Variants in BTC observed in about 807,000 individuals in gnomAD.
The protein encoded by BTC is betacellulin.
Under a neutral mutation model 18.1 loss-of-function variants are expected in BTC, and 13 were observed. That is an observed-to-expected ratio of 0.72 (90% CI 0.47 to 1.14). The LOEUF is 1.14. Among genes scored for constraint, BTC ranks in the 50% most tolerant of loss-of-function variants. BTC has a pLI of 0.00. For missense variants in BTC, 247 were observed against 224.2 expected, an observed-to-expected ratio of 1.10 and a Z score of -0.65; for synonymous variants, 83 against 79.4, an observed-to-expected ratio of 1.05 and a Z score of -0.24.
intron 1 of BTC, among the ~76,000 whole-genome samples, chr4:74,788,475 C>T (rs1042767682): frequency 1.3e-5 from 2 of 152,280 alleles, no homozygotes; most frequent in African/African-American, 2.4e-5. Context: ...AACTATTATA[C>T]AATGTTTCAT....
intron 1 of BTC, among the ~76,000 whole-genome samples, chr4:74,787,352 G>T (rs1200978466): frequency 2.0e-5 from 3 of 152,078 alleles, no homozygotes; most frequent in Non-Finnish European, 4.4e-5. Flanking sequence ...GCATTTCATG[G>T]TTATTTGACC....
At chr4:74,782,436 TC>T (rs2109914421) in intron 1 of BTC, among the ~76,000 whole-genome samples, 1 of 152,304 alleles carries the variant, frequency 6.6e-6, no homozygotes, top group Admixed American at 6.5e-5. Context: ...ATGATCTCAT[TC>T]CTTTTTATGG....
intron 1 of BTC, 97 bp downstream of exon 1, chr4:74,794,165 T>A: frequency 1.3e-6 from 2 of 1,483,298 alleles, no homozygotes; most frequent in Non-Finnish European, 1.8e-6. Flanking sequence ...CAGCGCGCCC[T>A]CTTGTCCAGA....
At chr4:74,776,089 T>C (rs1011372902) in intron 1 of BTC, among the ~76,000 whole-genome samples, 6 of 152,200 alleles carry the variant, frequency 3.9e-5, no homozygotes, top group African/African-American at 1.4e-4. Context: ...TACCATAAAA[T>C]GAAGCTCCTC....
rs967351705 is a variant in BTC at position 74,773,163 on chromosome 4, C to A, written c.65-3007G>T. On this transcript the variant is annotated intron_variant, in intron 1 of 5. Transcript: ENST00000395743. ...CCTGAAGAAGCATTTGCCTGGCCTGCACAGTTTTTAATAATTGAATCAAAG... is the reference window on the plus strand; with the variant it reads ...CCTGAAGAAGCATTTGCCTGGCCTGAACAGTTTTTAATAATTGAATCAAAG... Among the ~76,000 whole-genome samples the A allele has an allele frequency of 2.6e-5, 4 of 152,320 alleles. No homozygotes were observed. The East Asian group carries it at 7.7e-4, about 29-fold the overall frequency.
chr4:74,794,298 C>A lies in BTC; in HGVS notation c.28G>T (p.Ala10Ser), dbSNP rs767658564. ...GCCAGGAGCAGTGGCAGGGAGCTGG[C>A]GCCGCTGCACCGGGCGGCCCGGTCC... MDRAARCSG[A>S]SSLPLLLALA... Residue 10 changes from alanine (A) to serine (S), a missense_variant, in exon 1 of 6, where the codon GCC becomes TCC. By Grantham distance (99) the Ala-to-Ser change is moderately conservative (BLOSUM62 1). Coordinates refer to ENST00000395743, the MANE Select transcript of BTC (RefSeq NM_001729.4). 1.9e-6 allele frequency: 3 copies of A among 1,548,840 alleles called. No homozygotes were observed. The highest frequency in any genetic ancestry group is 1.2e-5 in the South Asian group (1 of 83,940).
chr4:74,756,548 G>GA (rs1345822976), intron 2 of BTC, among the ~76,000 whole-genome samples: 1 of 152,170 alleles, frequency 6.6e-6, no homozygotes, highest in Non-Finnish European at 1.5e-5. Context: ...ATAGAAAGTG[G>GA]AAAAACTGGG....
Position 74,750,613 on chromosome 4 carries a change from C to T in BTC, c.388G>A (p.Val130Ile), listed in dbSNP as rs781884346. The T allele has an allele frequency of 3.1e-6, 5 of 1,613,738 alleles. No individual in the cohort carries two copies. In the Admixed American group the frequency reaches 8.3e-5, roughly 27 times the overall value. ...ACACCGATGACCAAAATAATAAAAA[C>T]TACCATAACTGCTATCAAACAAATC... is the stretch of plus-strand genomic sequence containing the variant. ...LVICLIAVMV[V>I]FIILVIGVCT... is the part of the protein sequence containing the mutation. The change falls in exon 4 of 6, where the codon GTT (valine) becomes ATT (isoleucine). Residue 130 changes from valine (V) to isoleucine (I), a missense_variant. Coordinates refer to ENST00000395743, the MANE Select transcript of BTC (RefSeq NM_001729.4).
chr4:74,777,745 A>G (rs1315995680), intron 1 of BTC, among the ~76,000 whole-genome samples: 1 of 152,152 alleles, frequency 6.6e-6, no homozygotes, highest in East Asian at 1.9e-4. Context: ...GTCAGTTGGG[A>G]TTACTGATTC....
intron 4 of BTC, among the ~76,000 whole-genome samples, chr4:74,749,085 A>T (rs1724375905): frequency 6.6e-6 from 1 of 152,204 alleles, no homozygotes; most frequent in African/African-American, 2.4e-5. Flanking sequence ...ATAGTTGTTA[A>T]GAAATTTACC....
Position 74,758,652 on chromosome 4 carries a change from A to G in BTC, c.164-2676T>C, listed in dbSNP as rs574454796. 3.9e-5 allele frequency among the ~76,000 whole-genome samples: 6 copies of G among 152,304 alleles called. No individual in the cohort carries two copies. In the South Asian group the frequency reaches 1.2e-3, roughly 32 times the overall value. ...CCCAGACTTTTGATAAACACCATGC[A>G]GAGTGTGATACCAAAAAGCAAATTA... On this transcript the variant is annotated intron_variant, in intron 2 of 5. Transcript: ENST00000395743.
chr4:74,748,141 C>T lies in BTC; in HGVS notation c.437G>A (p.Arg146Gln), dbSNP rs144483811. 367 of 1,604,506 alleles carry T rather than the reference C, an allele frequency of 2.3e-4. No individual in the cohort carries two copies. Among genetic ancestry groups the T allele is most frequent in the Non-Finnish European group, 2.9e-4 (343 of 1,176,748 alleles). Residue 146 changes from arginine (R) to glutamine (Q), a missense_variant, in exon 5 of 6, where the codon CGG becomes CAG. Physicochemically the swap from Arg to Gln is conservative, Grantham distance 43. Transcript: ENST00000395743. ...TTTCTTCTTTCTTTTACGACGTTTC[C>T]GAAGAGGGCTTGGAAAATACGTGTT... ...IGVCTCCHPL[R>Q]KRRKRKKKEE...
At chr4:74,774,740 G>C (rs1276046811) in intron 1 of BTC, among the ~76,000 whole-genome samples, 2 of 152,282 alleles carry the variant, frequency 1.3e-5, no homozygotes, top group Non-Finnish European at 2.9e-5. Context: ...GGCAACCAAA[G>C]GTCTCAATGC....
chr4:74,769,915 T>C lies in BTC; in HGVS notation c.163+143A>G, dbSNP rs10012877. On this transcript the variant is annotated intron_variant, in intron 2 of 5. Coordinates refer to ENST00000395743, the MANE Select transcript of BTC (RefSeq NM_001729.4). ...ATCTAGCTCAGGGGGCTCTTGTGAG[T>C]AGTGATTAATTACTGTATATAAAGC... 5.7e-4 allele frequency: 337 copies of C among 587,036 alleles called. 3 individuals are homozygous for C. The highest frequency in any genetic ancestry group is 5.3e-3 in the African/African-American group (267 of 50,398). 36.4% of individuals were successfully genotyped at this position (587,036 alleles called of 1,614,324 possible). A position where few individuals can be genotyped will look rare whatever the true frequency, so the allele number is the denominator to read the frequency against.
At position 74,755,725 on chromosome 4, in the gene BTC, T is replaced by C. The variant is rs967347276; in HGVS notation, c.281+134A>G. ...GTTGCTGAGTGGGCCCCTAAACAAG[T>C]GGCTGGGGGCAGGACCAGGCAGAAC... On this transcript the variant is annotated intron_variant, in intron 3 of 5. Coordinates refer to ENST00000395743, the MANE Select transcript of BTC (RefSeq NM_001729.4). The C allele has an allele frequency of 2.8e-5, 22 of 784,020 alleles. No homozygotes were observed. The African/African-American group carries it at 3.5e-4, about 12-fold the overall frequency. 48.6% of individuals were successfully genotyped at this position (784,020 alleles called of 1,614,324 possible).
intron 2 of BTC, among the ~76,000 whole-genome samples, chr4:74,760,936 G>A (rs1016851917): frequency 6.6e-6 from 1 of 151,856 alleles, no homozygotes; most frequent in South Asian, 2.1e-4. Context: ...GGGTTTCACC[G>A]TTTTAGCCAG....
At chr4:74,788,095 C>A (rs1725528646) in intron 1 of BTC, among the ~76,000 whole-genome samples, 1 of 152,142 alleles carries the variant, frequency 6.6e-6, no homozygotes, top group Admixed American at 6.6e-5. Context: ...ATGAATTTGT[C>A]TAAATTACAA....
intron 1 of BTC, among the ~76,000 whole-genome samples, 200 bp downstream of exon 1, chr4:74,794,062 T>C (rs1441702710): frequency 6.6e-6 from 1 of 152,120 alleles, no homozygotes; most frequent in Non-Finnish European, 1.5e-5. Context: ...AGGGACTGCC[T>C]CCAGCAGGTG....
In BTC at chr4:74,770,170, A is replaced by T. The variant is rs1560717625; in HGVS notation, c.65-14T>A. ...GGATCACTAGACCTTCAAATTCAAA[A>T]CAGAACCAAAATCAAACATGAAAAT... is the stretch of plus-strand genomic sequence containing the variant. On this transcript the variant is annotated splice_polypyrimidine_tract_variant and intron_variant, in intron 1 of 5. Transcript: ENST00000395743. 6.3e-7 allele frequency: 1 copy of T among 1,585,028 alleles called. No homozygotes were observed. The highest frequency in any genetic ancestry group is 1.9e-5 in the Admixed American group (1 of 53,534).
Sources: gnomAD v4.1 joint callset for allele counts (sites outside exome capture counted in the v4.1 genomes callset) on GRCh38, gnomAD v4.1.1 for gene constraint, MANE v1.5 for transcripts, NCBI Gene and HGNC (gene_info 2026-07-23, HGNC 2026-07-21) for gene names.